The following GABRR2 variants were observed in gnomAD, a reference collection of about 807,000 sequenced individuals.
GABRR2 encodes the protein gamma-aminobutyric acid type A receptor subunit rho2, also known as gamma-aminobutyric acid receptor subunit rho-2.
In GABRR2, 36 loss-of-function variants were observed where a neutral mutation model predicts 47.0. The ratio of observed to expected loss-of-function variants is 0.77; its 90% CI spans 0.59 to 1.01. The LOEUF (loss-of-function observed/expected upper bound fraction) is 1.01. Among genes scored for constraint, GABRR2 ranks in the 50% least tolerant of loss-of-function variants. GABRR2 has a pLI of 0.00. For missense variants in GABRR2, 587 were observed against 594.6 expected, an observed-to-expected ratio of 0.99 and a Z score of 0.13; for synonymous variants, 204 against 227.5, an observed-to-expected ratio of 0.90 and a Z score of 0.93.
At position 89,294,909 on chromosome 6, in the gene GABRR2, C is replaced by T. The variant is rs565166442; in HGVS notation, c.220+4850G>A. On this transcript the variant is annotated intron_variant, in intron 2 of 8. Coordinates refer to ENST00000402938, the MANE Select transcript of GABRR2 (RefSeq NM_002043.5). ...TGTGGTGTTTGGTTTTTTGTCCTTGCGATAGTTTGCTGAGAATGATGGTTT... is the reference window on the plus strand; with the variant it reads ...TGTGGTGTTTGGTTTTTTGTCCTTGTGATAGTTTGCTGAGAATGATGGTTT... Among the ~76,000 whole-genome samples the T allele has an allele frequency of 4.6e-3, 692 of 150,700 alleles. 5 individuals are homozygous for T. The highest frequency in any genetic ancestry group is 0.016 in the African/African-American group (652 of 41,044).
intron 1 of GABRR2, among the ~76,000 whole-genome samples, chr6:89,308,265 A>G (rs1042586044): frequency 2.0e-5 from 3 of 152,176 alleles, no homozygotes; most frequent in African/African-American, 7.2e-5. Context: ...CAGATGGCAT[A>G]ATTCAATGGG....
rs758357655 is a variant in GABRR2 at position 89,265,811 on chromosome 6, A to C, written c.737-46T>G. The C allele has an allele frequency of 1.3e-5, 20 of 1,593,940 alleles. No homozygotes were observed. In the African/African-American group the frequency reaches 2.4e-4, roughly 19 times the overall value. The stretch of plus-strand genomic sequence containing the variant: ...CCAATGAGGTTCCATCTGAGAGGTG[A>C]AAGCAAACTGTGTCCCTGGGAACCC... On this transcript the variant is annotated intron_variant, in intron 6 of 8. Coordinates refer to ENST00000402938, the MANE Select transcript of GABRR2 (RefSeq NM_002043.5).
In GABRR2 at chr6:89,307,624, G is replaced by A. The variant is rs148289192; in HGVS notation, c.113+7429C>T. On this transcript the variant is annotated intron_variant, in intron 1 of 8. Transcript: ENST00000402938. ...GCTGCCCAGGGCACCTGTTGGTGCT[G>A]ACAACTTAGTAGTAGCAAGTGAGAA... Among the ~76,000 whole-genome samples, 726 of 152,306 alleles carry A rather than the reference G, an allele frequency of 4.8e-3. 5 individuals are homozygous for A. Among genetic ancestry groups the A allele is most frequent in the Middle Eastern group, 0.01 (3 of 294 alleles).
In GABRR2 at chr6:89,257,457, C is replaced by G; in HGVS notation, c.*213G>C. ...TCCCAGAGAGATGTGAAGTGTGACG[C>G]GAGACAGCATGAACATGGAGCAGCC... is the stretch of plus-strand genomic sequence containing the variant. On this transcript the variant is annotated 3_prime_UTR_variant, in exon 9 of 9. Coordinates refer to ENST00000402938, the MANE Select transcript of GABRR2 (RefSeq NM_002043.5). The G allele has an allele frequency of 1.7e-6, 1 of 574,528 alleles. No individual in the cohort carries two copies. Among genetic ancestry groups the G allele is most frequent in the South Asian group, 2.2e-5 (1 of 45,626 alleles). The allele number at this position is 574,528 out of a possible 1,614,324, so 35.6% of individuals were successfully genotyped here.
At chr6:89,263,250 T>C (rs1301672006) in intron 8 of GABRR2, among the ~76,000 whole-genome samples, 2 of 152,252 alleles carry the variant, frequency 1.3e-5, no homozygotes, top group Non-Finnish European at 2.9e-5. Flanking sequence ...TTCTCTTCCT[T>C]ATGATTTTCA....
intron 8 of GABRR2, among the ~76,000 whole-genome samples, chr6:89,260,217 CTT>C (rs1773715927): frequency 6.6e-6 from 1 of 152,118 alleles, no homozygotes; most frequent in Non-Finnish European, 1.5e-5. Context: ...CTATTCAACT[CTT>C]TGCATTTAGA....
At chr6:89,259,590 G>A (rs975199732) in intron 8 of GABRR2, among the ~76,000 whole-genome samples, 1 of 151,290 alleles carries the variant, frequency 6.6e-6, no homozygotes, top group African/African-American at 2.4e-5. Context: ...TGCAACTTCC[G>A]CCTCCAAGGG....
At chr6:89,263,643 C>T (rs1381539248) in intron 8 of GABRR2, among the ~76,000 whole-genome samples, 1 of 152,192 alleles carries the variant, frequency 6.6e-6, no homozygotes, top group Non-Finnish European at 1.5e-5. Flanking sequence ...TTGCCTCAGC[C>T]TCCCAAGTAG....
At chr6:89,276,613 T>A (rs555882988) in intron 2 of GABRR2, among the ~76,000 whole-genome samples, 7 of 152,286 alleles carry the variant, frequency 4.6e-5, no homozygotes, top group African/African-American at 1.7e-4. Context: ...AAGAATGCCA[T>A]TGATGCCACT....
At chr6:89,288,801 T>A (rs925986947) in intron 2 of GABRR2, among the ~76,000 whole-genome samples, 2 of 152,096 alleles carry the variant, frequency 1.3e-5, no homozygotes, top group African/African-American at 4.8e-5. Context: ...ACCACCAAGC[T>A]CAGCTAATTT....
chr6:89,289,670 T>C (rs1431613861), intron 2 of GABRR2, among the ~76,000 whole-genome samples: 1 of 151,122 alleles, frequency 6.6e-6, no homozygotes, highest in Non-Finnish European at 1.5e-5. Context: ...TTGATATAAC[T>C]TGATTGATCT....
chr6:89,310,681 C>T (rs1297783616), intron 1 of GABRR2, among the ~76,000 whole-genome samples: 3 of 150,016 alleles, frequency 2.0e-5, no homozygotes, highest in East Asian at 2.0e-4. Context: ...TGGTTTGGGC[C>T]GCACTCAGTT....
chr6:89,259,411 G>A lies in GABRR2; in HGVS notation c.1087-1430C>T, dbSNP rs150243515. On this transcript the variant is annotated intron_variant, in intron 8 of 8. Coordinates refer to ENST00000402938, the MANE Select transcript of GABRR2 (RefSeq NM_002043.5). ...ATTCTTATCCTTGAAGAAATTGTTC[G>A]TGGTTTGGGGGCTATTTTTTTTCAT... Among the ~76,000 whole-genome samples, 394 of 152,150 alleles carry A rather than the reference G, an allele frequency of 2.6e-3. 1 individual carries two copies. Among genetic ancestry groups the A allele is most frequent in the African/African-American group, 6.3e-3 (262 of 41,502 alleles).
At chr6:89,285,854 CTT>C (rs1774325955) in intron 2 of GABRR2, among the ~76,000 whole-genome samples, 1 of 152,052 alleles carries the variant, frequency 6.6e-6, no homozygotes. Flanking sequence ...AGTGGCAAGA[CTT>C]TTCCTAGGCC....
intron 2 of GABRR2, among the ~76,000 whole-genome samples, chr6:89,294,854 T>C (rs1297205781): frequency 7.1e-6 from 1 of 140,658 alleles, no homozygotes; most frequent in African/African-American, 2.6e-5. Flanking sequence ...AGTGTTCTCA[T>C]TGTTCAATTC....
intron 8 of GABRR2, among the ~76,000 whole-genome samples, chr6:89,262,709 A>G (rs1368457112): frequency 6.6e-6 from 1 of 152,240 alleles, no homozygotes; most frequent in Admixed American, 6.5e-5. Context: ...GCAAAAATAA[A>G]TTATTTTAAT....
At chr6:89,289,411 G>A (rs1383259719) in intron 2 of GABRR2, among the ~76,000 whole-genome samples, 1 of 152,224 alleles carries the variant, frequency 6.6e-6, no homozygotes, top group Non-Finnish European at 1.5e-5. Context: ...GATGCTGGAA[G>A]ATTAAGGCCA....
Position 89,257,658 on chromosome 6 carries a change from G to A in GABRR2, c.*12C>T. 2 of 1,600,912 alleles carry A rather than the reference G, an allele frequency of 1.2e-6. No homozygotes were observed. The highest frequency in any genetic ancestry group is 2.2e-5 in the East Asian group (1 of 44,728). On this transcript the variant is annotated 3_prime_UTR_variant, in exon 9 of 9. Transcript: ENST00000402938. ...ATGTCTATGCCCTCTTCTAGGAACA[G>A]CCTTGGAGCCCCTAGGAAAACACTG...
At chr6:89,289,599 T>TG (rs1774400572) in intron 2 of GABRR2, among the ~76,000 whole-genome samples, 1 of 152,042 alleles carries the variant, frequency 6.6e-6, no homozygotes, top group African/African-American at 2.4e-5. Context: ...GTGTAAGGGA[T>TG]GGGGGGCACG....
Sources: allele counts gnomAD v4.1 joint callset (sites outside exome capture counted in the v4.1 genomes callset), GRCh38; gene constraint gnomAD v4.1.1; transcripts MANE v1.5; gene names NCBI Gene and HGNC (gene_info 2026-07-23, HGNC 2026-07-21).